SLC12A4: variants seen among roughly 807,000 people sequenced by gnomAD.
SLC12A4 encodes solute carrier family 12 member 4.
Under a neutral mutation model 119.2 loss-of-function variants are expected in SLC12A4, and 84 were observed. The ratio of observed to expected loss-of-function variants is 0.70; its 90% CI spans 0.59 to 0.85. The LOEUF (loss-of-function observed/expected upper bound fraction) is 0.85, where lower values mean the gene tolerates loss of function less well. Ranked by LOEUF, SLC12A4 falls within the 40% of genes least tolerant of loss-of-function variation. The pLI is 0.00. For missense variants in SLC12A4, 1,298 were observed against 1,476.3 expected, an observed-to-expected ratio of 0.88 and a Z score of 1.98; for synonymous variants, 599 against 604.6, an observed-to-expected ratio of 0.99 and a Z score of 0.14.
At chr16:67,946,107 G>A in intron 19 of SLC12A4, 25 bp from the exon 20 acceptor site, 2 of 1,612,984 alleles carry the variant, frequency 1.2e-6, no homozygotes, top group East Asian at 2.2e-5. Flanking sequence ...CAGGTGGGCG[G>A]TTTGGTCACA....
chr16:67,945,897 C>T, intron 20 of SLC12A4, 26 bp from the exon 21 acceptor site: 1 of 1,613,280 alleles, frequency 6.2e-7, no homozygotes, highest in South Asian at 1.1e-5. Context: ...GCCGTGAGGA[C>T]CCAGCTGCAC....
intron 3 of SLC12A4, 64 bp from the exon 4 acceptor site, chr16:67,958,108 C>T (rs2030379208): frequency 3.2e-6 from 5 of 1,558,692 alleles, no homozygotes; most frequent in Non-Finnish European, 2.6e-6. Context: ...GAGAGTCAGC[C>T]CTAGTCACTC....
In SLC12A4 at chr16:67,948,121, C is replaced by G. The variant is rs768091293; in HGVS notation, c.1787G>C (p.Cys596Ser). The G allele has an allele frequency of 6.2e-6, 10 of 1,613,172 alleles. No homozygotes were observed. The highest frequency in any genetic ancestry group is 8.5e-6 in the Non-Finnish European group (10 of 1,180,016). Residue 596 changes from cysteine (C) to serine (S), a missense_variant, in exon 14 of 24, where the codon TGT becomes TCT. Cys to Ser is a moderately radical substitution (Grantham distance 112). Coordinates refer to ENST00000316341, the MANE Select transcript of SLC12A4 (RefSeq NM_005072.5). ...LMCYLFVNLA[C>S]AVQTLLRTPN... ...GGTCCTCAGGAGTGTCTGCACCGCA[C>G]AGGCGAGGTTCACGAACAGGTAGCA...
chr16:67,957,716 C>T, intron 5 of SLC12A4, 26 bp downstream of exon 5: 1 of 1,612,390 alleles, frequency 6.2e-7, no homozygotes, highest in African/African-American at 1.3e-5. Flanking sequence ...TTCTCTTCCA[C>T]CAGGCCTTGG....
chr16:67,961,839 G>A (rs2030593092), intron 2 of SLC12A4, 133 bp from the exon 3 acceptor site: 2 of 1,200,640 alleles, frequency 1.7e-6, no homozygotes. Context: ...CCTACCTGGG[G>A]AAGTCCAAGC....
chr16:67,947,537 G>A (rs980635337), intron 15 of SLC12A4, 102 bp from the exon 16 acceptor site: 7 of 1,493,198 alleles, frequency 4.7e-6, no homozygotes, highest in Admixed American at 2.0e-5. Context: ...ACCACCCAGG[G>A]GTCCTGAGTT....
chr16:67,955,206 C>A (rs2030185884), intron 5 of SLC12A4, among the ~76,000 whole-genome samples: 2 of 152,248 alleles, frequency 1.3e-5, no homozygotes, highest in African/African-American at 4.8e-5. Flanking sequence ...GGCCCTAAGG[C>A]CCCGCACAGT....
chr16:67,965,933 G>A (rs1052035563), intron 1 of SLC12A4, among the ~76,000 whole-genome samples: 10 of 152,330 alleles, frequency 6.6e-5, no homozygotes, highest in South Asian at 2.1e-4. Context: ...GAGCCCTGTA[G>A]GGGCGGAGCT....
Position 67,944,406 on chromosome 16 carries a change from C to T in SLC12A4, c.*434G>A. On this transcript the variant is annotated 3_prime_UTR_variant, in exon 24 of 24. Transcript: ENST00000316341. This position sits in a 1 kb window ranked among gnomAD's most constrained non-coding sequence, Gnocchi z 6.6. Reference sequence around the variant, plus strand: ...CCATTCGGCTCAGCTTGGTGGGGGGCCCTGCCCATAGTAGACTGAGCCAGA... The same window carrying T: ...CCATTCGGCTCAGCTTGGTGGGGGGTCCTGCCCATAGTAGACTGAGCCAGA... 1 of 1,309,522 alleles carries T rather than the reference C, an allele frequency of 7.6e-7. No individual in the cohort carries two copies. The highest frequency in any genetic ancestry group is 9.7e-7 in the Non-Finnish European group (1 of 1,028,702). 81.1% of individuals were successfully genotyped at this position (1,309,522 alleles called of 1,614,324 possible). A position where few individuals can be genotyped will look rare whatever the true frequency, so the allele number is the denominator to read the frequency against.
intron 3 of SLC12A4, among the ~76,000 whole-genome samples, chr16:67,959,802 C>T (rs1021487260): frequency 1.3e-5 from 2 of 152,238 alleles, no homozygotes; most frequent in Non-Finnish European, 2.9e-5. Flanking sequence ...GTCATCAAGC[C>T]GGTGCTGGAG....
At chr16:67,961,460 A>C in intron 3 of SLC12A4, 115 bp downstream of exon 3, 1 of 1,458,872 alleles carries the variant, frequency 6.9e-7, no homozygotes. Context: ...CCTGCTCACT[A>C]TGCTTGGCAC....
chr16:67,959,871 C>T (rs2030471185), intron 3 of SLC12A4, among the ~76,000 whole-genome samples: 1 of 152,202 alleles, frequency 6.6e-6, no homozygotes, highest in Non-Finnish European at 1.5e-5. Context: ...GTCGGAGGCC[C>T]ACCCTTCCTG....
In SLC12A4 at chr16:67,951,122, T is replaced by G; in HGVS notation, c.1297+18A>C. 1 of 1,613,500 alleles carries G rather than the reference T, an allele frequency of 6.2e-7. No individual in the cohort carries two copies. The highest frequency in any genetic ancestry group is 8.5e-7 in the Non-Finnish European group (1 of 1,179,648). ...GGGATTGGGGACAGGGCTGGGTGGG[T>G]AGGCAGGCAGGGCTCACCTGTTACA... is the stretch of plus-strand genomic sequence containing the variant. On this transcript the variant is annotated intron_variant, in intron 9 of 23. Transcript: ENST00000316341. This position sits in a 1 kb window ranked among gnomAD's most constrained non-coding sequence, Gnocchi z 5.2.
In SLC12A4 at chr16:67,951,699, G is replaced by C. The variant is rs887337374; in HGVS notation, c.1132+124C>G. On this transcript the variant is annotated intron_variant, in intron 8 of 23. Coordinates refer to ENST00000316341, the MANE Select transcript of SLC12A4 (RefSeq NM_005072.5). The surrounding 1 kb of genome is among the most constrained non-coding windows in gnomAD (Gnocchi z 5.2). Reference sequence around the variant, plus strand: ...CAGGAGCCAGGCTGGGAGGACACTGGGGGGCTGGGAAGGCGGCCAGTCCTG... The same window carrying C: ...CAGGAGCCAGGCTGGGAGGACACTGCGGGGCTGGGAAGGCGGCCAGTCCTG... 2.3e-5 allele frequency: 20 copies of C among 878,970 alleles called. No individual in the cohort carries two copies. The highest frequency in any genetic ancestry group is 1.4e-4 in the Admixed American group (6 of 42,754). The allele number at this position is 878,970 out of a possible 1,614,324, so 54.4% of individuals were successfully genotyped here. A position where few individuals can be genotyped will look rare whatever the true frequency, so the allele number is the denominator to read the frequency against.
At chr16:67,955,534 C>A (rs961639039) in intron 5 of SLC12A4, among the ~76,000 whole-genome samples, 4 of 151,912 alleles carry the variant, frequency 2.6e-5, no homozygotes, top group African/African-American at 9.7e-5. Flanking sequence ...CCAGTCTGGG[C>A]AACATGGCGA....
At position 67,944,606 on chromosome 16, in the gene SLC12A4, T is replaced by C. The variant is rs2058319377; in HGVS notation, c.*234A>G. On this transcript the variant is annotated 3_prime_UTR_variant, in exon 24 of 24. Coordinates refer to ENST00000316341, the MANE Select transcript of SLC12A4 (RefSeq NM_005072.5). The surrounding 1 kb of genome is among the most constrained non-coding windows in gnomAD (Gnocchi z 6.6). ...TCTTCTCTGGCCAGGACAGGCCTAC[T>C]GGGGTGCTAGATAGTAAAGTCCCCA... 1 of 1,388,606 alleles carries C rather than the reference T, an allele frequency of 7.2e-7. No homozygotes were observed. Among genetic ancestry groups the C allele is most frequent in the Non-Finnish European group, 9.3e-7 (1 of 1,073,220 alleles). The allele number at this position is 1,388,606 out of a possible 1,614,324, so 86.0% of individuals were successfully genotyped here. A position where few individuals can be genotyped will look rare whatever the true frequency, so the allele number is the denominator to read the frequency against.
Position 67,950,098 on chromosome 16 carries a change from G to A in SLC12A4, c.1630-180C>T. On this transcript the variant is annotated intron_variant, in intron 12 of 23. Coordinates refer to ENST00000316341, the MANE Select transcript of SLC12A4 (RefSeq NM_005072.5). This position sits in a 1 kb window ranked among gnomAD's most constrained non-coding sequence, Gnocchi z 4.3. ...CCACCTCACCAGGCCTCTCTCCTTTGGATGAGCCCTAAACAGGCCATGAAG... is the reference window on the plus strand; with the variant it reads ...CCACCTCACCAGGCCTCTCTCCTTTAGATGAGCCCTAAACAGGCCATGAAG... 1.5e-6 allele frequency: 1 copy of A among 685,120 alleles called. No individual in the cohort carries two copies. The highest frequency in any genetic ancestry group is 2.5e-6 in the Non-Finnish European group (1 of 406,256). The allele number at this position is 685,120 out of a possible 1,614,324, so 42.4% of individuals were successfully genotyped here.
intron 2 of SLC12A4, 96 bp downstream of exon 2, chr16:67,963,369 G>T: frequency 1.4e-6 from 1 of 705,698 alleles, no homozygotes; most frequent in Non-Finnish European, 2.3e-6. Context: ...GAGATGAGAG[G>T]AAGAGCAAGA....
Position 67,968,426 on chromosome 16 carries a change from A to G in SLC12A4, c.115+13T>C. 2 of 1,563,028 alleles carry G rather than the reference A, an allele frequency of 1.3e-6. No individual in the cohort carries two copies. Among genetic ancestry groups the G allele is most frequent in the Non-Finnish European group, 1.7e-6 (2 of 1,162,040 alleles). ...CCGCTGCCCCGCCACGGCCCCTCAG[A>G]ACGCGCCCTCACCGTCCGAGTCATC... On this transcript the variant is annotated intron_variant, in intron 1 of 23. Coordinates refer to ENST00000316341, the MANE Select transcript of SLC12A4 (RefSeq NM_005072.5).
Sources: allele counts gnomAD v4.1 joint callset (sites outside exome capture counted in the v4.1 genomes callset), GRCh38; gene constraint gnomAD v4.1.1; non-coding constraint Gnocchi (gnomAD v3.1); transcripts MANE v1.5; gene names NCBI Gene and HGNC (gene_info 2026-07-23, HGNC 2026-07-21).